PIAS2: variants seen among roughly 807,000 people sequenced by gnomAD.
The protein encoded by PIAS2 is protein inhibitor of activated STAT 2.
Under a neutral mutation model 69.7 loss-of-function variants are expected in PIAS2, and 19 were observed. The ratio of observed to expected loss-of-function variants is 0.27; its 90% CI spans 0.19 to 0.40. The LOEUF is 0.40. Among genes scored for constraint, PIAS2 ranks in the 10% least tolerant of loss-of-function variants. PIAS2 has a pLI of 1.00. For synonymous variants in PIAS2, 261 were observed against 263.2 expected (o/e 0.99, Z 0.08); for missense variants, 624 against 757.0 (o/e 0.82, Z 2.06).
chr18:46,864,332 T>A (rs2049100190), intron 2 of PIAS2, 84 bp from the exon 3 acceptor site: 3 of 843,890 alleles, frequency 3.6e-6, no homozygotes, highest in Non-Finnish European at 5.6e-6. Context: ...GCATTTTTTA[T>A]AAAGTACCTG....
At chr18:46,850,435 C>G (rs2046792638) in intron 5 of PIAS2, among the ~76,000 whole-genome samples, 1 of 152,056 alleles carries the variant, frequency 6.6e-6, no homozygotes, top group Non-Finnish European at 1.5e-5. Flanking sequence ...GGACTTTTGA[C>G]CTGAAGAATG....
chr18:46,881,098 C>T (rs1473702584), intron 2 of PIAS2, among the ~76,000 whole-genome samples: 1 of 152,158 alleles, frequency 6.6e-6, no homozygotes, highest in Non-Finnish European at 1.5e-5. Context: ...CCTATTATAA[C>T]CTTCTTCAAA....
chr18:46,840,326 C>T (rs1266731574), intron 8 of PIAS2, among the ~76,000 whole-genome samples: 2 of 152,204 alleles, frequency 1.3e-5, no homozygotes, highest in African/African-American at 2.4e-5. Flanking sequence ...TCATCATCAT[C>T]TATTGGGTAA....
intron 2 of PIAS2, among the ~76,000 whole-genome samples, chr18:46,882,851 T>C (rs953322749): frequency 6.6e-6 from 1 of 152,102 alleles, no homozygotes; most frequent in Non-Finnish European, 1.5e-5. Flanking sequence ...GTGCCCCCAC[T>C]CCCTCAACCA....
At position 46,917,505 on chromosome 18, in the gene PIAS2, C is replaced by T. The variant is rs2058123333; in HGVS notation, c.-160G>A. The T allele has an allele frequency of 1.7e-6, 2 of 1,179,164 alleles. No individual in the cohort carries two copies. The highest frequency in any genetic ancestry group is 4.7e-5 in the Admixed American group (1 of 21,326). The allele number at this position is 1,179,164 out of a possible 1,614,324, so 73.0% of individuals were successfully genotyped here. On this transcript the variant is annotated 5_prime_UTR_variant, in exon 1 of 14. It adds an upstream start codon to the 5' untranslated region. Transcript: ENST00000585916. ...GCCGCCGCTACAGCCGGGCCCGTCACGTGAACGGCGCGGGAGCTCCGCCTC... is the reference window on the plus strand; with the variant it reads ...GCCGCCGCTACAGCCGGGCCCGTCATGTGAACGGCGCGGGAGCTCCGCCTC...
intron 1 of PIAS2, among the ~76,000 whole-genome samples, chr18:46,892,774 A>C (rs1033011945): frequency 6.6e-6 from 1 of 152,008 alleles, no homozygotes; most frequent in Non-Finnish European, 1.5e-5. Context: ...TGTCTCAAAA[A>C]TAATAATAAT....
chr18:46,880,136 C>T (rs2051969980), intron 2 of PIAS2, among the ~76,000 whole-genome samples: 1 of 151,230 alleles, frequency 6.6e-6, no homozygotes, highest in Non-Finnish European at 1.5e-5. Flanking sequence ...TGGTTCATGC[C>T]TATAATCCCA....
chr18:46,886,031 G>A (rs1052566087), intron 2 of PIAS2, among the ~76,000 whole-genome samples: 3 of 152,190 alleles, frequency 2.0e-5, no homozygotes, highest in Admixed American at 6.5e-5. Context: ...GGAAGGTAAG[G>A]AAAGAGAAAA....
At position 46,811,049 on chromosome 18, in the gene PIAS2, T is replaced by C. The variant is rs2040967104; in HGVS notation, c.*1384A>G. 1 of 152,172 alleles carries C rather than the reference T, an allele frequency of 6.6e-6. No homozygotes were observed. The highest frequency in any genetic ancestry group is 1.5e-5 in the Non-Finnish European group (1 of 68,036). 9.4% of individuals were successfully genotyped at this position (152,172 alleles called of 1,614,324 possible). ...TCTAAGAGTAAAACCCAGTTTTCTC[T>C]GTGATTTAAAATCAAACAAACACAC... On this transcript the variant is annotated 3_prime_UTR_variant, in exon 14 of 14. Coordinates refer to ENST00000585916, the MANE Select transcript of PIAS2 (RefSeq NM_004671.5).
At chr18:46,826,393 G>A (rs1197050503) in intron 11 of PIAS2, among the ~76,000 whole-genome samples, 8 of 152,120 alleles carry the variant, frequency 5.3e-5, no homozygotes, top group Non-Finnish European at 1.2e-4. Context: ...CATGCCACCA[G>A]AGACATGCTC....
chr18:46,868,306 A>G (rs1239233917), intron 2 of PIAS2, among the ~76,000 whole-genome samples: 1 of 152,068 alleles, frequency 6.6e-6, no homozygotes, highest in Non-Finnish European at 1.5e-5. Context: ...GTAAACAACT[A>G]CTTCTGCCAG....
At chr18:46,881,350 A>G (rs1405947842) in intron 2 of PIAS2, among the ~76,000 whole-genome samples, 1 of 152,224 alleles carries the variant, frequency 6.6e-6, no homozygotes, top group African/African-American at 2.4e-5. Flanking sequence ...GATTAAATAA[A>G]TCTGATTAAA....
intron 2 of PIAS2, among the ~76,000 whole-genome samples, chr18:46,865,752 T>C (rs1599938322): frequency 6.6e-6 from 1 of 152,348 alleles, no homozygotes; most frequent in African/African-American, 2.4e-5. Context: ...GTTCATATTT[T>C]TTCAGAACGC....
Position 46,827,291 on chromosome 18 carries a change from C to T in PIAS2, c.1508+668G>A, listed in dbSNP as rs1351514415. The stretch of plus-strand genomic sequence containing the variant: ...TGAAAAAGCAACTATTGTTAAATAC[C>T]CAAACCTGATTTTTAATGCAGGTCA... On this transcript the variant is annotated intron_variant, in intron 11 of 13. Transcript: ENST00000585916. 5 of 152,138 alleles carry T rather than the reference C, an allele frequency of 3.3e-5. 1 individual carries two copies. The highest frequency in any genetic ancestry group is 1.2e-4 in the African/African-American group (5 of 41,516). 9.4% of individuals were successfully genotyped at this position (152,138 alleles called of 1,614,324 possible).
intron 1 of PIAS2, among the ~76,000 whole-genome samples, chr18:46,900,364 A>C (rs948467825): frequency 7.2e-6 from 1 of 138,274 alleles, no homozygotes; most frequent in African/African-American, 2.8e-5. Context: ...CTCCATCTTT[A>C]AAAAAAAAAA....
chr18:46,869,032 T>C (rs2049925352), intron 2 of PIAS2, among the ~76,000 whole-genome samples: 1 of 152,172 alleles, frequency 6.6e-6, no homozygotes, highest in South Asian at 2.1e-4. Context: ...TCCTTGGTGG[T>C]TGGGACAACT....
At chr18:46,906,620 T>A in intron 1 of PIAS2, among the ~76,000 whole-genome samples, 1 of 151,892 alleles carries the variant, frequency 6.6e-6, no homozygotes, top group Non-Finnish European at 1.5e-5. Flanking sequence ...ATAACAAAAC[T>A]TTATTGAAAG....
At chr18:46,868,095 A>G (rs553089629) in intron 2 of PIAS2, among the ~76,000 whole-genome samples, 7 of 152,336 alleles carry the variant, frequency 4.6e-5, no homozygotes, top group Admixed American at 6.5e-5. Context: ...CACCTCAAGC[A>G]TATGTCTTCT....
intron 12 of PIAS2, chr18:46,818,409 G>A (rs908843192): frequency 3.8e-6 from 6 of 1,584,398 alleles, no homozygotes; most frequent in Non-Finnish European, 1.7e-6. Context: ...GATGTTCCAA[G>A]CTTCAGTTCA....
Sources: allele counts gnomAD v4.1 joint callset (sites outside exome capture counted in the v4.1 genomes callset), GRCh38; gene constraint gnomAD v4.1.1; transcripts MANE v1.5; gene names NCBI Gene and HGNC (gene_info 2026-07-23, HGNC 2026-07-21).